The following NKIRAS1 variants were observed in gnomAD, a reference collection of about 807,000 sequenced individuals.
NKIRAS1 encodes the protein NFKB inhibitor interacting Ras like 1, also known as NF-kappa-B inhibitor-interacting Ras-like protein 1.
A neutral mutation model predicts 19.8 loss-of-function variants in NKIRAS1; 16 were observed. The observed-to-expected ratio is 0.81, with a 90% CI of 0.55 to 1.23. The LOEUF (loss-of-function observed/expected upper bound fraction) is 1.23. Among genes scored for constraint, NKIRAS1 ranks in the 50% most tolerant of loss-of-function variants. NKIRAS1 has a pLI of 0.00. For synonymous variants in NKIRAS1, 88 were observed against 79.0 expected (o/e 1.11, Z -0.61); for missense variants, 184 against 220.0 (o/e 0.84, Z 1.04).
intron 1 of NKIRAS1, among the ~76,000 whole-genome samples, chr3:23,944,180 G>C (rs1189448331): frequency 6.6e-6 from 1 of 152,176 alleles, no homozygotes; most frequent in Non-Finnish European, 1.5e-5. Flanking sequence ...AGTGTTAGGA[G>C]AGAAACATAA....
intron 1 of NKIRAS1, chr3:23,916,307 AT>A (rs1553644239): frequency 6.6e-6 from 1 of 152,066 alleles, no homozygotes; most frequent in Non-Finnish European, 1.5e-5. Flanking sequence ...CTATTTCTCA[AT>A]TTAAAAAAAA....
chr3:23,921,668 G>T (rs193020435), upstream of NKIRAS1: 2 of 665,110 alleles, frequency 3.0e-6, no homozygotes, highest in South Asian at 1.6e-5. Context: ...TCTGTCTCCC[G>T]GGTTTGAGCA....
intron 1 of NKIRAS1, chr3:23,924,127 G>GCTCA (rs1365462934): frequency 6.6e-6 from 1 of 152,230 alleles, no homozygotes; most frequent in African/African-American, 2.4e-5. Context: ...GGTGAAAGCT[G>GCTCA]CTCAACCGCA....
chr3:23,894,869 C>G (rs1430586817), intron 4 of NKIRAS1, among the ~76,000 whole-genome samples: 1 of 152,176 alleles, frequency 6.6e-6, no homozygotes, highest in Non-Finnish European at 1.5e-5. Flanking sequence ...CATCACAGAG[C>G]TGACTCATGG....
chr3:23,931,444 C>G (rs570210496), intron 1 of NKIRAS1, among the ~76,000 whole-genome samples: 1 of 152,222 alleles, frequency 6.6e-6, no homozygotes, highest in Non-Finnish European at 1.5e-5. Context: ...CTCAAACATC[C>G]ATTTCTCAGT....
At chr3:23,918,401 TC>T (rs776879944), upstream of NKIRAS1, 1 of 1,603,330 alleles carries the variant, frequency 6.2e-7, no homozygotes, top group South Asian at 1.1e-5. Flanking sequence ...CCTTACGGCT[TC>T]CTATAAAATC....
At chr3:23,920,397 G>GT, upstream of NKIRAS1, 1 of 985,230 alleles carries the variant, frequency 1.0e-6, no homozygotes, top group Non-Finnish European at 1.2e-6. Flanking sequence ...AACCATATGT[G>GT]TTTTCTGCAG....
rs1344908414 is a variant in NKIRAS1, at chr3:23,926,508, C to G, written c.-139-15058G>C. Among the ~76,000 whole-genome samples the G allele has an allele frequency of 6.7e-6, 1 of 150,270 alleles. No individual in the cohort carries two copies. The highest frequency in any genetic ancestry group is 2.4e-5 in the African/African-American group (1 of 40,848). ...CTTCTCTTTCCTCTTCCTCTTCTTC[C>G]TCTTCTTTTTTTTTGTGTCATTCTC... On this transcript the variant is annotated intron_variant, in intron 1 of 4. Coordinates refer to the NKIRAS1 transcript ENST00000421515. The surrounding 1 kb of genome is among the most constrained non-coding windows in gnomAD (Gnocchi z 4.3).
intron 1 of NKIRAS1, among the ~76,000 whole-genome samples, chr3:23,928,427 G>C (rs566621077): frequency 1.3e-5 from 2 of 151,866 alleles, no homozygotes; most frequent in Admixed American, 1.3e-4. Flanking sequence ...TATATAAAAT[G>C]TAATTTACAT....
At chr3:23,912,846 C>T (rs1349704338) in intron 1 of NKIRAS1, among the ~76,000 whole-genome samples, 3 of 151,928 alleles carry the variant, frequency 2.0e-5, no homozygotes, top group Non-Finnish European at 4.4e-5. Flanking sequence ...ACGTCGGGCG[C>T]GGTGGCTCAT....
At chr3:23,945,587 G>A (rs1365933125) in intron 1 of NKIRAS1, 1 of 1,166,628 alleles carries the variant, frequency 8.6e-7, no homozygotes, top group Non-Finnish European at 1.1e-6. Flanking sequence ...CCATGGAGGT[G>A]AATGCAGGTA....
At chr3:23,932,262 T>C (rs1705331906) in intron 1 of NKIRAS1, among the ~76,000 whole-genome samples, 1 of 152,076 alleles carries the variant, frequency 6.6e-6, no homozygotes, top group Admixed American at 6.6e-5. Context: ...AACAAAGAAA[T>C]AAATTACATA....
intron 1 of NKIRAS1, among the ~76,000 whole-genome samples, chr3:23,943,536 T>C (rs746471202): frequency 2.6e-5 from 4 of 152,278 alleles, no homozygotes; most frequent in East Asian, 3.8e-4. Context: ...CAGCCCAGTT[T>C]TGCCTTTTCT....
chr3:23,937,764 G>A (rs1315550610), intron 1 of NKIRAS1, among the ~76,000 whole-genome samples: 1 of 151,948 alleles, frequency 6.6e-6, no homozygotes, highest in Non-Finnish European at 1.5e-5. Context: ...TTCAACTAGG[G>A]TTTCCAGGTG....
chr3:23,903,062 C>G (rs1702672667), intron 3 of NKIRAS1, among the ~76,000 whole-genome samples: 1 of 152,204 alleles, frequency 6.6e-6, no homozygotes. Flanking sequence ...TAGTGAAGCT[C>G]TAAGTCATGA....
chr3:23,940,339 C>T (rs1705471570), intron 1 of NKIRAS1, among the ~76,000 whole-genome samples: 1 of 110,530 alleles, frequency 9.0e-6, no homozygotes, highest in South Asian at 3.1e-4. Context: ...AAAGCCAGAC[C>T]TGTTTCTAAA....
upstream of NKIRAS1, chr3:23,921,689 C>T: frequency 1.5e-6 from 1 of 665,120 alleles, no homozygotes. Context: ...ATTCTTCTGC[C>T]TCGGCCTCCC....
chr3:23,918,168 CAGTT>C (rs1198645308), upstream of NKIRAS1: 2 of 1,129,912 alleles, frequency 1.8e-6, no homozygotes, highest in African/African-American at 3.2e-5. Context: ...CAACACTGGT[CAGTT>C]ACTGTATGCA....
chr3:23,929,458 G>C (rs534489139), intron 1 of NKIRAS1, among the ~76,000 whole-genome samples: 35 of 152,044 alleles, frequency 2.3e-4, no homozygotes, highest in South Asian at 6.2e-4. Context: ...ACAGGGTCTC[G>C]CTCTGTCACC....
Sources: allele counts gnomAD v4.1 joint callset (sites outside exome capture counted in the v4.1 genomes callset), GRCh38; gene constraint gnomAD v4.1.1; non-coding constraint Gnocchi (gnomAD v3.1); transcripts MANE v1.5; gene names NCBI Gene and HGNC (gene_info 2026-07-23, HGNC 2026-07-21).